RBFOX1: variants seen among roughly 807,000 people sequenced by gnomAD.
RBFOX1 encodes RNA binding protein fox-1 homolog 1.
RBFOX1 carries 8 observed loss-of-function variants against 57.7 expected under a neutral mutation model. The observed-to-expected ratio is 0.14, with a 90% CI of 0.08 to 0.25. The LOEUF is 0.25. Among genes scored for constraint, RBFOX1 ranks in the 10% least tolerant of loss-of-function variants. The pLI is 1.00. For missense variants in RBFOX1, 611 were observed against 548.5 expected (o/e 1.11, Z -1.14); for synonymous variants, 326 against 222.4 (o/e 1.47, Z -4.15).
intron 4 of RBFOX1, among the ~76,000 whole-genome samples, chr16:7,267,031 G>A (rs1258480074): frequency 6.6e-6 from 1 of 152,126 alleles, no homozygotes; most frequent in African/African-American, 2.4e-5. Context: ...GAGCCAGCGG[G>A]GTAGACAGGA....
At chr16:5,757,895 A>G (rs890304806) in intron 3 of RBFOX1, among the ~76,000 whole-genome samples, 2 of 152,120 alleles carry the variant, frequency 1.3e-5, no homozygotes, top group African/African-American at 4.8e-5. Context: ...AAGCTCTGAC[A>G]ATAAATCTTT....
At chr16:6,986,125 A>G (rs1047494307) in intron 3 of RBFOX1, among the ~76,000 whole-genome samples, 1 of 151,452 alleles carries the variant, frequency 6.6e-6, no homozygotes, top group East Asian at 1.9e-4. Flanking sequence ...TAAACATGAA[A>G]AAATGTAAGA....
chr16:6,894,641 C>T (rs138637790), intron 3 of RBFOX1, among the ~76,000 whole-genome samples: 53 of 152,314 alleles, frequency 3.5e-4, no homozygotes, highest in African/African-American at 1.3e-3. Flanking sequence ...CTTTCTCTCA[C>T]TTTATAACAG....
intron 4 of RBFOX1, among the ~76,000 whole-genome samples, chr16:5,940,754 A>T (rs2059262192): frequency 6.6e-6 from 1 of 152,068 alleles, no homozygotes; most frequent in African/African-American, 2.4e-5. Context: ...AGGAGAAATA[A>T]ATTCTTTGCT....
At position 7,036,493 on chromosome 16, in the gene RBFOX1, A is replaced by G. The variant is rs141901112; in HGVS notation, c.-15-15564A>G. ...TGGGAGGCTGAGGCAGGCGGATTAC[A>G]AGGGCAGGAGTTTGAGACCAGCCTG... On this transcript the variant is annotated intron_variant, in intron 3 of 15. Coordinates refer to ENST00000550418, the MANE Select transcript of RBFOX1 (RefSeq NM_018723.4). 2.3e-4 allele frequency among the ~76,000 whole-genome samples: 35 copies of G among 151,970 alleles called. 1 individual carries two copies. In the East Asian group the frequency reaches 6.8e-3, roughly 30 times the overall value.
intron 4 of RBFOX1, among the ~76,000 whole-genome samples, chr16:7,351,579 G>T (rs1397129161): frequency 6.6e-6 from 1 of 152,206 alleles, no homozygotes; most frequent in Non-Finnish European, 1.5e-5. Flanking sequence ...TAATGATGGT[G>T]CGGTGGATCA....
At chr16:6,418,414 G>A (rs1450151012) in intron 2 of RBFOX1, among the ~76,000 whole-genome samples, 1 of 151,832 alleles carries the variant, frequency 6.6e-6, no homozygotes, top group African/African-American at 2.4e-5. Context: ...AAACCTGGGA[G>A]TTATAAAGTA....
intron 14 of RBFOX1, among the ~76,000 whole-genome samples, chr16:7,702,516 C>G (rs118020936): frequency 1.3e-5 from 2 of 152,156 alleles, no homozygotes; most frequent in African/African-American, 4.8e-5. Context: ...AACATAAATG[C>G]CCATAACAGT....
intron 3 of RBFOX1, among the ~76,000 whole-genome samples, chr16:6,852,771 C>G (rs945349923): frequency 6.6e-6 from 1 of 151,860 alleles, no homozygotes; most frequent in African/African-American, 2.4e-5. Context: ...AACTAGCTGT[C>G]TGGGAGAGGT....
At chr16:7,635,516 T>A (rs1490233244) in intron 11 of RBFOX1, among the ~76,000 whole-genome samples, 2 of 152,106 alleles carry the variant, frequency 1.3e-5, no homozygotes, top group Non-Finnish European at 2.9e-5. Context: ...GCCCAGTATC[T>A]TTCTACATTT....
intron 2 of RBFOX1, among the ~76,000 whole-genome samples, chr16:6,376,227 T>C (rs751688131): frequency 2.6e-5 from 4 of 152,210 alleles, no homozygotes; most frequent in South Asian, 2.1e-4. Context: ...TTGTCATTTA[T>C]GTTCCTGCTT....
chr16:6,198,694 A>T (rs182572560), intron 1 of RBFOX1, among the ~76,000 whole-genome samples: 83 of 152,310 alleles, frequency 5.4e-4, no homozygotes, highest in African/African-American at 1.9e-3. Flanking sequence ...GATTGAGTCG[A>T]GTTAGAAGTG....
chr16:6,698,862 C>A (rs1020398769), intron 3 of RBFOX1, among the ~76,000 whole-genome samples: 1 of 152,024 alleles, frequency 6.6e-6, no homozygotes, highest in East Asian at 1.9e-4. Context: ...GTTAATATGA[C>A]CTTGGAGGGT....
chr16:6,943,323 G>C (rs575955896), intron 3 of RBFOX1, among the ~76,000 whole-genome samples: 1 of 151,796 alleles, frequency 6.6e-6, no homozygotes, highest in Non-Finnish European at 1.5e-5. Context: ...AATATGGCTT[G>C]AAAAGGACTG....
intron 4 of RBFOX1, among the ~76,000 whole-genome samples, chr16:7,495,431 C>T (rs117042891): frequency 6.6e-6 from 1 of 152,204 alleles, no homozygotes; most frequent in African/African-American, 2.4e-5. Context: ...TTTACACACC[C>T]ACCAAAAGTG....
Position 5,461,927 on chromosome 16 carries a change from A to G in RBFOX1, c.220-5289A>G, listed in dbSNP as rs529289053. Among the ~76,000 whole-genome samples the G allele has an allele frequency of 3.3e-5, 5 of 152,240 alleles. No individual in the cohort carries two copies. The East Asian group carries it at 7.7e-4, about 24-fold the overall frequency. ...AAGGGGTAGCTATCTACCCAGTTCT[A>G]CTGAACAAAAAATATATAGCTAGAC... On this transcript the variant is annotated intron_variant, in intron 1 of 2. Coordinates refer to the RBFOX1 transcript ENST00000585867.
intron 4 of RBFOX1, among the ~76,000 whole-genome samples, chr16:5,923,446 G>C (rs2152233353): frequency 6.6e-6 from 1 of 151,492 alleles, no homozygotes; most frequent in East Asian, 2.0e-4. Context: ...GGGCACATGG[G>C]ATTGGAGCAG....
intron 4 of RBFOX1, among the ~76,000 whole-genome samples, chr16:7,118,985 C>G (rs2066518584): frequency 6.6e-6 from 1 of 152,204 alleles, no homozygotes; most frequent in East Asian, 1.9e-4. Context: ...GATGTACTTG[C>G]TTAGTCAGTT....
At chr16:5,901,331 A>C (rs9929090) in intron 4 of RBFOX1, among the ~76,000 whole-genome samples, 107,732 of 152,010 alleles carry the variant, frequency 0.71, 38,303 homozygotes, top group Middle Eastern at 0.78. Context: ...TGTTGGGGTT[A>C]CCTTTTATAA....
Sources: gnomAD v4.1 joint callset for allele counts (sites outside exome capture counted in the v4.1 genomes callset) on GRCh38, gnomAD v4.1.1 for gene constraint, MANE v1.5 for transcripts, NCBI Gene and HGNC (gene_info 2026-07-23, HGNC 2026-07-21) for gene names.